Variants in ABI3BP observed in about 807,000 individuals in gnomAD.
ABI3BP encodes the protein ABI family member 3 binding protein, also known as target of Nesh-SH3.
In ABI3BP, 216 loss-of-function variants were observed where a neutral mutation model predicts 268.6. That is an observed-to-expected ratio of 0.80 (90% confidence interval 0.72 to 0.90). The LOEUF (loss-of-function observed/expected upper bound fraction) is 0.90, where lower values mean the gene tolerates loss of function less well. Among genes scored for constraint, ABI3BP ranks in the 40% least tolerant of loss-of-function variants. ABI3BP has a pLI of 0.00. For missense variants in ABI3BP, 2,090 were observed against 2,182.4 expected (o/e 0.96, Z 0.84); for synonymous variants, 730 against 730.0 (o/e 1.00, Z 0.00).
At chr3:100,959,618 C>A (rs1297207888) in intron 1 of ABI3BP, among the ~76,000 whole-genome samples, 2 of 151,232 alleles carry the variant, frequency 1.3e-5, no homozygotes, top group South Asian at 2.1e-4. Flanking sequence ...CCCAGGGGAG[C>A]ATTTAAAGGT....
rs111555262 is a variant in ABI3BP, at chr3:100,844,034, AT to A, written c.1724-1996del. 4.2e-3 allele frequency: 4,147 copies of A among 980,914 alleles called. 154 individuals are homozygous for A. The East Asian group carries it at 0.15, about 35-fold the overall frequency. The allele number at this position is 980,914 out of a possible 1,614,324, so 60.8% of individuals were successfully genotyped here. On this transcript the variant is annotated intron_variant, in intron 20 of 67. Coordinates refer to ENST00000471714, the MANE Select transcript of ABI3BP (RefSeq NM_001375547.2). Reference sequence around the variant, plus strand: ...ATTGCACATAAAAACAGTAAGGTCTATGTTTAGTAAAAATAAATATATCTTC... The same window carrying A: ...ATTGCACATAAAAACAGTAAGGTCTAGTTTAGTAAAAATAAATATATCTTC...
At chr3:100,841,466 A>C (rs1291288123) in intron 21 of ABI3BP, among the ~76,000 whole-genome samples, 1 of 152,120 alleles carries the variant, frequency 6.6e-6, no homozygotes, top group East Asian at 1.9e-4. Flanking sequence ...TAATTGAAGG[A>C]GAATAAAGAA....
intron 24 of ABI3BP, among the ~76,000 whole-genome samples, chr3:100,839,044 T>C (rs1435208798): frequency 6.6e-6 from 1 of 152,218 alleles, no homozygotes; most frequent in Non-Finnish European, 1.5e-5. Context: ...CCATCACTAG[T>C]TTTACATTGG....
At chr3:100,980,624 G>A (rs1451844386) in intron 1 of ABI3BP, among the ~76,000 whole-genome samples, 1 of 152,236 alleles carries the variant, frequency 6.6e-6, no homozygotes, top group Non-Finnish European at 1.5e-5. Context: ...CAAAGAGTGA[G>A]AGGAAAATTT....
chr3:100,812,638 T>A, intron 45 of ABI3BP, 115 bp from the exon 46 acceptor site: 1 of 554,808 alleles, frequency 1.8e-6, no homozygotes, highest in Non-Finnish European at 2.7e-6. Context: ...ACAACATTAT[T>A]AACACTAAGG....
chr3:100,956,065 G>A (rs1369454799), intron 1 of ABI3BP, among the ~76,000 whole-genome samples: 1 of 151,858 alleles, frequency 6.6e-6, no homozygotes, highest in Non-Finnish European at 1.5e-5. Flanking sequence ...GCATGTACCT[G>A]TAATCCCAGC....
chr3:100,926,540 A>G, intron 1 of ABI3BP, 59 bp from the exon 2 acceptor site: 4 of 1,495,070 alleles, frequency 2.7e-6, no homozygotes, highest in Non-Finnish European at 3.7e-6. Context: ...CATCCTACCC[A>G]ACTTCCCAGC....
chr3:100,838,080 G>T, intron 26 of ABI3BP, 130 bp downstream of exon 26: 2 of 1,044,448 alleles, frequency 1.9e-6, no homozygotes, highest in Non-Finnish European at 2.8e-6. Context: ...GTGGCTACTT[G>T]GAGAAGATAA....
Position 100,840,868 on chromosome 3 carries a change from T to C in ABI3BP, c.1766-10A>G, listed in dbSNP as rs2098686040. 2 of 1,531,240 alleles carry C rather than the reference T, an allele frequency of 1.3e-6. No homozygotes were observed. The highest frequency in any genetic ancestry group is 1.7e-6 in the Non-Finnish European group (2 of 1,144,020). The allele number at this position is 1,531,240 out of a possible 1,614,324, so 94.9% of individuals were successfully genotyped here. A position where few individuals can be genotyped will look rare whatever the true frequency, so the allele number is the denominator to read the frequency against. On this transcript the variant is annotated splice_polypyrimidine_tract_variant and intron_variant, in intron 21 of 67. Coordinates refer to ENST00000471714, the MANE Select transcript of ABI3BP (RefSeq NM_001375547.2). ...CCTGGTGTTTCAGGTCCTAAGACAA[T>C]GTGAAAAAATCACCAAGAAAGAATC...
chr3:100,948,895 C>G (rs2153745929), intron 1 of ABI3BP, among the ~76,000 whole-genome samples: 1 of 152,184 alleles, frequency 6.6e-6, no homozygotes, highest in South Asian at 2.1e-4. Flanking sequence ...GGATACTCAA[C>G]TTGTACACAT....
intron 54 of ABI3BP, among the ~76,000 whole-genome samples, chr3:100,794,537 C>G (rs938102157): frequency 6.6e-6 from 1 of 151,510 alleles, no homozygotes; most frequent in Non-Finnish European, 1.5e-5. Context: ...AACAGTGCAC[C>G]CAGTAAAGGC....
chr3:100,975,666 T>G (rs921352902), intron 1 of ABI3BP, among the ~76,000 whole-genome samples: 6 of 152,082 alleles, frequency 3.9e-5, no homozygotes, highest in Non-Finnish European at 7.4e-5. Flanking sequence ...ATAACATGTT[T>G]TCACCACCAA....
At chr3:100,770,483 A>G (rs1442936372) in intron 62 of ABI3BP, among the ~76,000 whole-genome samples, 1 of 152,166 alleles carries the variant, frequency 6.6e-6, no homozygotes, top group Non-Finnish European at 1.5e-5. Flanking sequence ...TGTGTGAAAA[A>G]GAGTTCTGAG....
chr3:100,800,282 A>G (rs1048511672), intron 51 of ABI3BP, among the ~76,000 whole-genome samples: 2 of 151,960 alleles, frequency 1.3e-5, no homozygotes, highest in Non-Finnish European at 2.9e-5. Flanking sequence ...ATACAGATGT[A>G]ATTATATCAC....
At position 100,787,856 on chromosome 3, in the gene ABI3BP, G is replaced by A. The variant is rs992442135; in HGVS notation, c.4088-54C>T. 4.7e-5 allele frequency: 61 copies of A among 1,301,110 alleles called. No homozygotes were observed. The Middle Eastern group carries it at 9.4e-4, about 20-fold the overall frequency. The allele number at this position is 1,301,110 out of a possible 1,614,324, so 80.6% of individuals were successfully genotyped here. ...ATTTTCTTATTGAAAGTTTGCAGCC[G>A]AGAAAAACAAAATTTCTCAGAGAAT... On this transcript the variant is annotated intron_variant, in intron 56 of 67. Coordinates refer to ENST00000471714, the MANE Select transcript of ABI3BP (RefSeq NM_001375547.2).
intron 62 of ABI3BP, among the ~76,000 whole-genome samples, chr3:100,767,178 G>A (rs1049023728): frequency 3.9e-5 from 6 of 152,084 alleles, no homozygotes; most frequent in Non-Finnish European, 8.8e-5. Context: ...GAGCTCAAGC[G>A]ATCCACCCAC....
intron 4 of ABI3BP, among the ~76,000 whole-genome samples, chr3:100,896,137 A>G (rs2047549071): frequency 6.6e-6 from 1 of 152,216 alleles, no homozygotes; most frequent in Admixed American, 6.5e-5. Context: ...GACTTTATTC[A>G]AAATGAAATT....
At chr3:100,967,097 C>T (rs995299618) in intron 1 of ABI3BP, among the ~76,000 whole-genome samples, 4 of 152,084 alleles carry the variant, frequency 2.6e-5, no homozygotes, top group African/African-American at 9.7e-5. Context: ...ACTGTATACC[C>T]TCTGGGGTTT....
At chr3:100,765,052 G>A (rs1046338025) in intron 63 of ABI3BP, among the ~76,000 whole-genome samples, 24 of 149,988 alleles carry the variant, frequency 1.6e-4, no homozygotes, top group African/African-American at 4.9e-4. Flanking sequence ...TCTTTTGAGC[G>A]TCACTATCAA....
Sources: allele counts gnomAD v4.1 joint callset (sites outside exome capture counted in the v4.1 genomes callset), GRCh38; gene constraint gnomAD v4.1.1; transcripts MANE v1.5; gene names NCBI Gene and HGNC (gene_info 2026-07-23, HGNC 2026-07-21).